Variants in PKHD1 observed in about 807,000 individuals in gnomAD.
PKHD1 encodes the protein fibrocystin.
Under a neutral mutation model 412.0 loss-of-function variants are expected in PKHD1, and 291 were observed. The ratio of observed to expected loss-of-function variants is 0.71; its 90% CI spans 0.64 to 0.78. PKHD1 has a LOEUF of 0.78. Ranked by LOEUF, PKHD1 falls within the 30% of genes least tolerant of loss-of-function variation. The pLI is 0.00. For missense variants in PKHD1, 4,825 were observed against 4,950.7 expected, an observed-to-expected ratio of 0.97 and a Z score of 0.76; for synonymous variants, 1,777 against 1,821.5, an observed-to-expected ratio of 0.98 and a Z score of 0.62.
intron 59 of PKHD1, among the ~76,000 whole-genome samples, 197 bp from the exon 60 acceptor site, chr6:51,744,739 TACTA>T (rs1468987194): frequency 2.0e-5 from 3 of 152,190 alleles, no homozygotes; most frequent in African/African-American, 7.2e-5. Context: ...AAGACATTCT[TACTA>T]ACCAAATATT....
At chr6:52,038,447 C>A (rs1399603291) in intron 27 of PKHD1, among the ~76,000 whole-genome samples, 1 of 151,332 alleles carries the variant, frequency 6.6e-6, no homozygotes, top group Non-Finnish European at 1.5e-5. Context: ...AGGGAGGATA[C>A]CATATGAAGG....
intron 52 of PKHD1, among the ~76,000 whole-genome samples, chr6:51,798,054 G>A (rs2148456): frequency 0.59 from 89,857 of 152,038 alleles, 27,222 homozygotes; most frequent in East Asian, 0.83. Context: ...TTCACTTTCA[G>A]TTATGAAGCT....
chr6:52,082,512 T>C lies in PKHD1; in HGVS notation c.161A>G (p.Asn54Ser), dbSNP rs374566843. The C allele has an allele frequency of 7.5e-5, 121 of 1,614,022 alleles. No individual in the cohort carries two copies. Among genetic ancestry groups the C allele is most frequent in the Non-Finnish European group, 1.0e-4 (118 of 1,179,982 alleles). The change falls in exon 4 of 67, where the codon AAT (asparagine) becomes AGT (serine). Residue 54 changes from asparagine (N) to serine (S), a missense_variant. Transcript: ENST00000371117. ...CAGGTGTATCTCCAATTGAGAGCCA[T>C]TGTTGGGGTAAAGAACACCCAACTC... Reference protein sequence around the residue: ...GLELGVLYPNNGSQLEIHLVN... With the variant: ...GLELGVLYPNSGSQLEIHLVN...
chr6:52,064,383 G>A (rs1033912271), intron 13 of PKHD1, among the ~76,000 whole-genome samples: 5 of 152,182 alleles, frequency 3.3e-5, no homozygotes, highest in Admixed American at 2.0e-4. Flanking sequence ...AAACAGAGAA[G>A]GACAGCTGGA....
At chr6:51,870,412 G>A in intron 47 of PKHD1, 92 bp downstream of exon 47, 1 of 1,061,754 alleles carries the variant, frequency 9.4e-7, no homozygotes, top group Non-Finnish European at 1.5e-6. Flanking sequence ...AACTGAAAGA[G>A]ATAATGATTC....
intron 35 of PKHD1, chr6:51,975,694 G>A (rs575685858): frequency 1.9e-4 from 29 of 150,824 alleles, no homozygotes; most frequent in African/African-American, 6.8e-4. Context: ...CAGCTACTCA[G>A]GAGGCTGGGG....
rs200981866 is a variant in PKHD1 at position 51,938,142 on chromosome 6, G to A, written c.5909-3820C>T. Reference sequence around the variant, plus strand: ...ATAAGAGGTGCCAAAATTCTAAGATGTTTAGCATATTTAAATGATTACTAG... The same window carrying A: ...ATAAGAGGTGCCAAAATTCTAAGATATTTAGCATATTTAAATGATTACTAG... On this transcript the variant is annotated intron_variant, in intron 36 of 66. Transcript: ENST00000371117. 2.5e-3 allele frequency among the ~76,000 whole-genome samples: 380 copies of A among 152,332 alleles called. 7 individuals are homozygous for A. The East Asian group carries it at 0.04, about 16-fold the overall frequency.
At chr6:51,909,988 ACTGAGCAGCTC>A (rs1782708766) in intron 39 of PKHD1, among the ~76,000 whole-genome samples, 1 of 152,176 alleles carries the variant, frequency 6.6e-6, no homozygotes, top group Non-Finnish European at 1.5e-5. Context: ...CAGAGAAGCA[ACTGAGCAGCTC>A]CTGCACCAAC....
chr6:52,002,467 C>T (rs1798550170), intron 35 of PKHD1, among the ~76,000 whole-genome samples: 1 of 152,192 alleles, frequency 6.6e-6, no homozygotes, highest in East Asian at 1.9e-4. Flanking sequence ...AATTCTCATA[C>T]ATTTGGAGCC....
At chr6:51,635,838 A>G (rs1768464878) in intron 64 of PKHD1, among the ~76,000 whole-genome samples, 1 of 104,418 alleles carries the variant, frequency 9.6e-6, no homozygotes, top group Non-Finnish European at 1.8e-5. Context: ...TTCTCTGGCT[A>G]ACTGTATTTG....
intron 35 of PKHD1, among the ~76,000 whole-genome samples, chr6:51,984,216 G>A (rs1795939198): frequency 6.6e-6 from 1 of 152,198 alleles, no homozygotes; most frequent in South Asian, 2.1e-4. Flanking sequence ...TCCCAAAAGA[G>A]AACACAGTGA....
intron 10 of PKHD1, 105 bp from the exon 11 acceptor site, chr6:52,069,632 CTTTAGAA>C: frequency 1.2e-6 from 1 of 835,210 alleles, no homozygotes; most frequent in East Asian, 2.4e-5. Flanking sequence ...CTCTATTGAT[CTTTAGAA>C]CAGTTGAAAT....
rs1230453554 is a variant in PKHD1 at position 51,619,132 on chromosome 6, CTCAGTGGCCCCGCAGGAGGCT to C, written c.12153_12173del (p.Ser4053_Ala4059del). On this transcript the variant is annotated inframe_deletion, in exon 67 of 67. Coordinates refer to ENST00000371117, the MANE Select transcript of PKHD1 (RefSeq NM_138694.4). ...GGTGTACTGAATGAAGGCAGAATGC[CTCAGTGGCCCCGCAGGAGGCT>C]TTCTTCTCTTGGGAAAGCCCCAAGC... 1 of 1,614,246 alleles carries C rather than the reference CTCAGTGGCCCCGCAGGAGGCT, an allele frequency of 6.2e-7. No homozygotes were observed. Among genetic ancestry groups the C allele is most frequent in the Non-Finnish European group, 8.5e-7 (1 of 1,180,042 alleles).
At chr6:52,016,910 G>T (rs4715270) in intron 34 of PKHD1, among the ~76,000 whole-genome samples, 67,924 of 151,938 alleles carry the variant, frequency 0.45, 17,089 homozygotes, top group Admixed American at 0.58. Flanking sequence ...TTAAAAAAAT[G>T]CTTATACGCT....
At chr6:52,040,357 C>T (rs1804647983) in intron 27 of PKHD1, among the ~76,000 whole-genome samples, 1 of 152,056 alleles carries the variant, frequency 6.6e-6, no homozygotes, top group African/African-American at 2.4e-5. Flanking sequence ...TAGGCCAAGC[C>T]AACATTATCT....
At chr6:51,721,928 C>T in intron 60 of PKHD1, 5 of 1,612,458 alleles carry the variant, frequency 3.1e-6, no homozygotes, top group Non-Finnish European at 4.2e-6. Context: ...CCATTCTTCA[C>T]CCTGCTTCCT....
intron 60 of PKHD1, among the ~76,000 whole-genome samples, chr6:51,722,315 G>A (rs1782026782): frequency 6.6e-6 from 1 of 152,018 alleles, no homozygotes; most frequent in South Asian, 2.1e-4. Flanking sequence ...TTACTGAATT[G>A]TTATTTCTTT....
At chr6:51,926,469 C>T (rs770427899) in intron 37 of PKHD1, among the ~76,000 whole-genome samples, 8 of 152,044 alleles carry the variant, frequency 5.3e-5, no homozygotes, top group East Asian at 1.9e-4. Context: ...TGACTAATGC[C>T]GACACTTTCA....
intron 48 of PKHD1, among the ~76,000 whole-genome samples, chr6:51,857,018 C>A (rs1773418337): frequency 1.3e-5 from 2 of 152,178 alleles, no homozygotes; most frequent in South Asian, 4.1e-4. Context: ...GAGACTGAGG[C>A]AGGGTAGAGC....
Sources: gnomAD v4.1 joint callset for allele counts (sites outside exome capture counted in the v4.1 genomes callset) on GRCh38, gnomAD v4.1.1 for gene constraint, MANE v1.5 for transcripts, NCBI Gene and HGNC (gene_info 2026-07-23, HGNC 2026-07-21) for gene names.